PRIM2: variants seen among roughly 807,000 people sequenced by gnomAD.
PRIM2 encodes the protein DNA primase subunit 2.
Under a neutral mutation model 67.3 loss-of-function variants are expected in PRIM2, and 39 were observed. That is an observed-to-expected ratio of 0.58 (90% CI 0.45 to 0.76). PRIM2 has a LOEUF of 0.76. Among genes scored for constraint, PRIM2 ranks in the 30% least tolerant of loss-of-function variants. PRIM2 has a pLI of 0.00. For missense variants in PRIM2, 398 were observed against 598.7 expected (o/e 0.66, Z 3.50); for synonymous variants, 143 against 198.7 (o/e 0.72, Z 2.36).
chr6:57,463,807 G>A (rs1029882274), intron 7 of PRIM2, among the ~76,000 whole-genome samples: 17 of 152,130 alleles, frequency 1.1e-4, no homozygotes, highest in African/African-American at 2.9e-4. Flanking sequence ...CCCGGGGTGG[G>A]TTAGCTGGCT....
chr6:57,595,037 T>C lies in PRIM2; in HGVS notation c.1021-6056T>C, dbSNP rs1312846982. On this transcript the variant is annotated intron_variant, in intron 10 of 13. Coordinates refer to ENST00000615550, the MANE Select transcript of PRIM2 (RefSeq NM_000947.5). ...ATGAAAAAGTGCTCATGATCATTAGTCATCAGGGAAATGCAAAGTGAGATA... is the reference window on the plus strand; with the variant it reads ...ATGAAAAAGTGCTCATGATCATTAGCCATCAGGGAAATGCAAAGTGAGATA... 5.3e-3 allele frequency among the ~76,000 whole-genome samples: 811 copies of C among 152,312 alleles called. 6 individuals are homozygous for C. The highest frequency in any genetic ancestry group is 0.019 in the African/African-American group (781 of 41,578).
At chr6:57,517,523 T>C (rs1774511235) in intron 8 of PRIM2, among the ~76,000 whole-genome samples, 1 of 152,174 alleles carries the variant, frequency 6.6e-6, no homozygotes, top group East Asian at 1.9e-4. Context: ...GAATTTTAAA[T>C]TTTATTTAAT....
At chr6:57,593,763 A>G (rs1248561986) in intron 10 of PRIM2, among the ~76,000 whole-genome samples, 1 of 152,260 alleles carries the variant, frequency 6.6e-6, no homozygotes, top group African/African-American at 2.4e-5. Context: ...TGGTAAATAC[A>G]TGGATAGTTT....
chr6:57,408,763 A>G (rs1445118932), intron 7 of PRIM2, among the ~76,000 whole-genome samples: 1 of 152,010 alleles, frequency 6.6e-6, no homozygotes, highest in African/African-American at 2.4e-5. Flanking sequence ...CCAAACTGGA[A>G]TGCTGTGGTG....
At chr6:57,289,628 A>G in the PRIM2 span, among the ~76,000 whole-genome samples, 2,960 of 152,332 alleles carry the variant, frequency 0.019, 112 homozygotes, top group African/African-American at 0.067. Context: ...CCCACAAGCC[A>G]GAAGAGAGTA....
At chr6:57,448,908 T>G (rs539777814) in intron 7 of PRIM2, among the ~76,000 whole-genome samples, 2 of 152,276 alleles carry the variant, frequency 1.3e-5, no homozygotes, top group Admixed American at 1.3e-4. Flanking sequence ...GCTGGTCAGT[T>G]GTGCCTAAAC....
rs60047783 is a variant in PRIM2, at chr6:57,366,871, T to C, written c.460-13030T>C. On this transcript the variant is annotated intron_variant, in intron 5 of 13. Coordinates refer to ENST00000615550, the MANE Select transcript of PRIM2 (RefSeq NM_000947.5). ...GAGGGAATAAAGTTATGTTAATTTATGCTAGCACGGTGTTCTCATGAGATA... is the reference window on the plus strand; with the variant it reads ...GAGGGAATAAAGTTATGTTAATTTACGCTAGCACGGTGTTCTCATGAGATA... Among the ~76,000 whole-genome samples, 1,307 of 152,272 alleles carry C rather than the reference T, an allele frequency of 8.6e-3. 12 individuals carry two copies. The highest frequency in any genetic ancestry group is 0.028 in the African/African-American group (1,159 of 41,520).
At chr6:57,326,333 C>A in intron 5 of PRIM2, 1 of 234,510 alleles carries the variant, frequency 4.3e-6, no homozygotes, top group Non-Finnish European at 8.1e-6. Context: ...AAAATTTTGT[C>A]GGCCAAAATA....
intron 7 of PRIM2, among the ~76,000 whole-genome samples, chr6:57,467,251 G>A (rs1328297753): frequency 1.3e-5 from 2 of 151,486 alleles, no homozygotes; most frequent in Admixed American, 6.6e-5. Flanking sequence ...AGGGTTTTAT[G>A]GTTTTAGGTC....
At chr6:57,245,217 C>T in the PRIM2 span, among the ~76,000 whole-genome samples, 25 of 152,114 alleles carry the variant, frequency 1.6e-4, no homozygotes, top group African/African-American at 1.4e-4. Flanking sequence ...ACCAGGATGC[C>T]GGGTTGCTTG....
At chr6:57,466,012 C>T (rs1487621624) in intron 7 of PRIM2, among the ~76,000 whole-genome samples, 5 of 151,944 alleles carry the variant, frequency 3.3e-5, no homozygotes, top group Non-Finnish European at 5.9e-5. Context: ...TGATGTTCCC[C>T]TCCCTGTGTC....
Position 57,492,551 on chromosome 6 carries a change from A to AT in PRIM2, c.694-14836_694-14835insT, listed in dbSNP as rs1272356867. Among the ~76,000 whole-genome samples, 709 of 151,318 alleles carry AT rather than the reference A, an allele frequency of 4.7e-3. 3 individuals are homozygous for AT. The highest frequency in any genetic ancestry group is 0.016 in the African/African-American group (678 of 41,120). Reference sequence around the variant, plus strand: ...GAGGGAGAACTCTCTCTAAAAAAAAAAAATAAATAAATAAATAAAAAGATG... The same window carrying AT: ...GAGGGAGAACTCTCTCTAAAAAAAAATAAATAAATAAATAAATAAAAAGATG... On this transcript the variant is annotated intron_variant, in intron 7 of 13. Coordinates refer to ENST00000615550, the MANE Select transcript of PRIM2 (RefSeq NM_000947.5).
In PRIM2 at chr6:57,453,103, C is replaced by T. The variant is rs530325977; in HGVS notation, c.694-54284C>T. ...CAAAGATGAGATGGTTGTAGATATG[C>T]GGCATTATTTCTGAGGGCTCTGTTC... On this transcript the variant is annotated intron_variant, in intron 7 of 13. Transcript: ENST00000615550. Among the ~76,000 whole-genome samples the T allele has an allele frequency of 1.3e-4, 20 of 152,142 alleles. No homozygotes were observed. The East Asian group carries it at 1.3e-3, about 10-fold the overall frequency.
intron 8 of PRIM2, among the ~76,000 whole-genome samples, chr6:57,522,738 T>A (rs1214505883): frequency 2.0e-5 from 3 of 152,242 alleles, no homozygotes; most frequent in Non-Finnish European, 4.4e-5. Flanking sequence ...AAATCCAGTG[T>A]GTACTTTGTA....
At chr6:57,503,059 C>G (rs1774172416) in intron 7 of PRIM2, among the ~76,000 whole-genome samples, 1 of 152,154 alleles carries the variant, frequency 6.6e-6, no homozygotes, top group African/African-American at 2.4e-5. Context: ...ACCTATGCCT[C>G]TGTTGGAAAT....
At chr6:57,510,193 T>C (rs1387935847) in intron 8 of PRIM2, among the ~76,000 whole-genome samples, 4 of 152,208 alleles carry the variant, frequency 2.6e-5, no homozygotes, top group African/African-American at 9.6e-5. Flanking sequence ...GTGATGTTCA[T>C]ATTTGTATTT....
At chr6:57,276,263 G>A in the PRIM2 span, among the ~76,000 whole-genome samples, 4 of 152,086 alleles carry the variant, frequency 2.6e-5, no homozygotes, top group South Asian at 2.1e-4. Context: ...GGTGGCTCAC[G>A]TCTGTAATCC....
chr6:57,287,470 G>A, the PRIM2 span, among the ~76,000 whole-genome samples: 2 of 152,154 alleles, frequency 1.3e-5, no homozygotes, highest in Non-Finnish European at 2.9e-5. Flanking sequence ...GGACATGGAT[G>A]AAGCTGGAAA....
At position 57,338,655 on chromosome 6, in the gene PRIM2, C is replaced by T. The variant is rs563481082; in HGVS notation, c.459+12610C>T. 1.3e-3 allele frequency among the ~76,000 whole-genome samples: 192 copies of T among 148,648 alleles called. 1 individual carries two copies. Among genetic ancestry groups the T allele is most frequent in the African/African-American group, 4.2e-3 (167 of 39,882 alleles). On this transcript the variant is annotated intron_variant, in intron 5 of 13. Transcript: ENST00000615550. ...AAAGGCCTTTGACAAAATTCAACAA[C>T]GCTTCATGCTAAAAACTCTCAATAA...
Sources: allele counts gnomAD v4.1 joint callset (sites outside exome capture counted in the v4.1 genomes callset), GRCh38; gene constraint gnomAD v4.1.1; transcripts MANE v1.5; gene names NCBI Gene and HGNC (gene_info 2026-07-23, HGNC 2026-07-21).